MACROD2: variants seen among roughly 807,000 people sequenced by gnomAD.
MACROD2 encodes the protein ADP-ribose glycohydrolase MACROD2.
MACROD2 carries 36 observed loss-of-function variants against 70.4 expected under a neutral mutation model. The observed-to-expected ratio is 0.51, with a 90% confidence interval of 0.39 to 0.68. MACROD2 has a LOEUF of 0.68. Ranked by LOEUF, MACROD2 falls within the 30% of genes least tolerant of loss-of-function variation. The pLI, the probability that MACROD2 is intolerant of heterozygous loss-of-function variation, is 0.00. For missense variants in MACROD2, 496 were observed against 538.4 expected, an observed-to-expected ratio of 0.92 and a Z score of 0.78; for synonymous variants, 172 against 178.8, an observed-to-expected ratio of 0.96 and a Z score of 0.30.
chr20:15,251,222 C>A (rs953213334), intron 6 of MACROD2, among the ~76,000 whole-genome samples: 1 of 152,186 alleles, frequency 6.6e-6, no homozygotes, highest in Non-Finnish European at 1.5e-5. Context: ...TGCAATATTT[C>A]ACTTCAAAAT....
chr20:15,150,363 G>GT lies in MACROD2; in HGVS notation c.419-79576dup, dbSNP rs2076260413. 2.0e-5 allele frequency among the ~76,000 whole-genome samples: 3 copies of GT among 152,028 alleles called. No homozygotes were observed. In the South Asian group the frequency reaches 6.2e-4, roughly 31 times the overall value. ...GGAGGAAGGTATTGAGGACAAAAGA[G>GT]TGTACAGGTTGGGCACCACAGGGTG... On this transcript the variant is annotated intron_variant, in intron 5 of 17. Coordinates refer to ENST00000684519, the MANE Select transcript of MACROD2 (RefSeq NM_001351661.2).
intron 3 of MACROD2, among the ~76,000 whole-genome samples, chr20:14,414,782 A>T (rs912727726): frequency 1.3e-5 from 2 of 152,056 alleles, no homozygotes; most frequent in African/African-American, 4.8e-5. Flanking sequence ...TCTGCTGGGA[A>T]TCCTGTTTCC....
chr20:15,456,208 G>C (rs547709830), intron 7 of MACROD2, among the ~76,000 whole-genome samples: 25 of 152,096 alleles, frequency 1.6e-4, no homozygotes, highest in Non-Finnish European at 2.5e-4. Flanking sequence ...CAACTCTCCC[G>C]ACATCATCCA....
At chr20:14,319,449 T>C (rs2082640009) in intron 3 of MACROD2, among the ~76,000 whole-genome samples, 2 of 152,160 alleles carry the variant, frequency 1.3e-5, no homozygotes, top group South Asian at 4.1e-4. Context: ...TCCCTCCTGG[T>C]GTTCACTTCC....
At chr20:15,040,502 C>A (rs1044032711) in intron 5 of MACROD2, among the ~76,000 whole-genome samples, 1 of 152,026 alleles carries the variant, frequency 6.6e-6, no homozygotes, top group Non-Finnish European at 1.5e-5. Context: ...ATGTTTCTAC[C>A]AGTGGTATGT....
At chr20:14,528,301 T>G (rs1192931549) in intron 4 of MACROD2, among the ~76,000 whole-genome samples, 9 of 146,860 alleles carry the variant, frequency 6.1e-5, no homozygotes, top group African/African-American at 2.2e-4. Flanking sequence ...TTTTTTTTTT[T>G]TAGTAGAGAC....
chr20:14,702,713 A>G (rs571080618), intron 5 of MACROD2, among the ~76,000 whole-genome samples: 4 of 144,028 alleles, frequency 2.8e-5, no homozygotes, highest in East Asian at 2.0e-4. Flanking sequence ...ATATGTGTGT[A>G]TATATATGTG....
At chr20:14,211,337 A>G (rs1424946510) in intron 3 of MACROD2, among the ~76,000 whole-genome samples, 1 of 152,162 alleles carries the variant, frequency 6.6e-6, no homozygotes, top group Non-Finnish European at 1.5e-5. Flanking sequence ...CTGAAAATCA[A>G]AAGTTTTTTT....
At chr20:15,673,742 A>G (rs1238870238) in intron 8 of MACROD2, among the ~76,000 whole-genome samples, 2 of 150,750 alleles carry the variant, frequency 1.3e-5, no homozygotes, top group African/African-American at 4.9e-5. Flanking sequence ...TCAGTGTTCT[A>G]GGTATAATAC....
At chr20:14,044,501 C>G (rs930687999) in intron 2 of MACROD2, among the ~76,000 whole-genome samples, 3 of 152,102 alleles carry the variant, frequency 2.0e-5, no homozygotes, top group Non-Finnish European at 4.4e-5. Flanking sequence ...ATTGGTTGGT[C>G]CATTTTACAG....
At chr20:15,340,949 A>C (rs2078104469) in intron 6 of MACROD2, among the ~76,000 whole-genome samples, 1 of 152,170 alleles carries the variant, frequency 6.6e-6, no homozygotes, top group Non-Finnish European at 1.5e-5. Flanking sequence ...TTGGCCTCCC[A>C]AAAAGCATAA....
intron 8 of MACROD2, among the ~76,000 whole-genome samples, chr20:15,578,087 C>G (rs1227749708): frequency 1.3e-5 from 2 of 152,136 alleles, no homozygotes; most frequent in East Asian, 3.9e-4. Flanking sequence ...TGTAGTTTGT[C>G]TGACACCAAG....
intron 7 of MACROD2, among the ~76,000 whole-genome samples, chr20:15,487,863 A>G (rs1010388254): frequency 6.6e-6 from 1 of 152,164 alleles, no homozygotes. Context: ...TTTGAGGGCT[A>G]TCTTTCTTTC....
intron 5 of MACROD2, among the ~76,000 whole-genome samples, chr20:15,083,785 C>A (rs1297874783): frequency 6.6e-6 from 1 of 152,084 alleles, no homozygotes; most frequent in Non-Finnish European, 1.5e-5. Flanking sequence ...AGAGGAGAGG[C>A]ATCACTGTCT....
At chr20:15,136,233 A>T (rs1448744010) in intron 5 of MACROD2, among the ~76,000 whole-genome samples, 1 of 146,698 alleles carries the variant, frequency 6.8e-6, no homozygotes, top group Non-Finnish European at 1.5e-5. Flanking sequence ...TATGGAACCA[A>T]AAAAGAGCCC....
intron 5 of MACROD2, among the ~76,000 whole-genome samples, chr20:14,745,477 G>C (rs1019665921): frequency 1.3e-5 from 2 of 152,138 alleles, no homozygotes; most frequent in Non-Finnish European, 2.9e-5. Context: ...CATTTCCCTA[G>C]GCATTCTAAC....
chr20:14,300,624 G>A (rs771265304), intron 3 of MACROD2, among the ~76,000 whole-genome samples: 1 of 152,130 alleles, frequency 6.6e-6, no homozygotes, highest in Non-Finnish European at 1.5e-5. Flanking sequence ...ATCAGAGGTG[G>A]TCACACCACC....
intron 5 of MACROD2, among the ~76,000 whole-genome samples, chr20:14,804,155 A>G (rs1212381908): frequency 2.0e-5 from 3 of 152,146 alleles, no homozygotes; most frequent in Non-Finnish European, 4.4e-5. Flanking sequence ...ACTTTTAAAT[A>G]TCACCATTCA....
chr20:15,279,684 A>C (rs1307338212), intron 6 of MACROD2, among the ~76,000 whole-genome samples: 28 of 152,236 alleles, frequency 1.8e-4, no homozygotes, highest in Admixed American at 1.8e-3. Context: ...GGGGTAGTTT[A>C]GAATTAGTTC....
Sources: allele counts gnomAD v4.1 joint callset (sites outside exome capture counted in the v4.1 genomes callset), GRCh38; gene constraint gnomAD v4.1.1; transcripts MANE v1.5; gene names NCBI Gene and HGNC (gene_info 2026-07-23, HGNC 2026-07-21).